Variants in FRMD7 observed in about 807,000 individuals in gnomAD.
FRMD7 encodes FERM domain containing 7, also known as FERM domain-containing protein 7.
FRMD7 carries 14 observed loss-of-function variants against 44.1 expected under a neutral mutation model. The observed-to-expected ratio is 0.32, with a 90% CI of 0.21 to 0.50. FRMD7 has a LOEUF of 0.50. Among genes scored for constraint, FRMD7 ranks in the 20% least tolerant of loss-of-function variants. The pLI, the probability that FRMD7 is intolerant of heterozygous loss-of-function variation, is 0.99. For synonymous variants in FRMD7, 212 were observed against 187.4 expected (o/e 1.13, Z -1.07); for missense variants, 501 against 522.3 (o/e 0.96, Z 0.40).
Position 132,098,238 on chromosome X carries a change from A to G in FRMD7, c.206-894T>C, listed in dbSNP as rs1480324655. Among the ~76,000 whole-genome samples, 5 of 112,477 alleles carry G rather than the reference A, an allele frequency of 4.4e-5. No homozygotes were observed. In the South Asian group the frequency reaches 1.5e-3, roughly 33 times the overall value. ...GAAAATTATTCTTTGTTTATCTAAA[A>G]TTACAATTTAATAGGGCATTCTGTA... On this transcript the variant is annotated intron_variant, in intron 3 of 11. Transcript: ENST00000298542.
At chrX:132,120,390 G>C (rs1192982937) in intron 1 of FRMD7, among the ~76,000 whole-genome samples, 1 of 112,715 alleles carries the variant, frequency 8.9e-6, no homozygotes, top group Non-Finnish European at 1.9e-5. Context: ...CCCAGCACCA[G>C]GCAGCAGGCA....
chrX:132,100,586 A>C (rs749445490), intron 2 of FRMD7, 26 bp downstream of exon 2: 2 of 1,022,258 alleles, frequency 2.0e-6, no homozygotes, highest in Non-Finnish European at 2.8e-6. Context: ...CTAGACACAA[A>C]GAACCCTATA....
chrX:132,118,746 G>A (rs138184815), intron 1 of FRMD7, among the ~76,000 whole-genome samples: 36 of 111,111 alleles, frequency 3.2e-4, no homozygotes, highest in African/African-American at 9.5e-4. Context: ...GTCTCTCATC[G>A]CTCTCTCTCA....
intron 4 of FRMD7, among the ~76,000 whole-genome samples, chrX:132,095,228 G>A (rs1218716023): frequency 9.2e-6 from 1 of 109,063 alleles, no homozygotes; most frequent in Non-Finnish European, 1.9e-5. Context: ...CCTAGCAGCT[G>A]GGACTACAGG....
intron 1 of FRMD7, among the ~76,000 whole-genome samples, chrX:132,111,041 G>A (rs947508376): frequency 1.8e-5 from 2 of 110,936 alleles, no homozygotes. Context: ...ACAATTAGCT[G>A]GACATGGTGG....
chrX:132,127,827 C>A lies in FRMD7; in HGVS notation c.18G>T (p.Val6=). ...TCTTCTGGGAATCATCCAAAAACTG[C>A]ACTTTTAAATGTAGCATTCTCAGCG... MLHLK[V]QFLDDSQKIF... is the part of the protein sequence containing the mutation. The change falls in exon 1 of 12, where the codon GTG becomes GTT. Residue 6 remains valine, a synonymous_variant. Coordinates refer to ENST00000298542, the MANE Select transcript of FRMD7 (RefSeq NM_194277.3). 8.3e-7 allele frequency: 1 copy of A among 1,209,648 alleles called. No homozygotes were observed. Among genetic ancestry groups the A allele is most frequent in the Non-Finnish European group, 1.1e-6 (1 of 893,639 alleles).
At chrX:132,119,866 G>A (rs1198344962) in intron 1 of FRMD7, among the ~76,000 whole-genome samples, 2 of 111,057 alleles carry the variant, frequency 1.8e-5, no homozygotes, top group Non-Finnish European at 3.8e-5. Flanking sequence ...TACCTCCTGG[G>A]GTGTAAATGA....
chrX:132,104,075 A>C (rs1485952277), intron 1 of FRMD7, among the ~76,000 whole-genome samples: 1 of 111,984 alleles, frequency 8.9e-6, no homozygotes, highest in African/African-American at 3.2e-5. Flanking sequence ...ATATTATCTC[A>C]TAGGGTTGTT....
chrX:132,112,182 T>C (rs1185166239), intron 1 of FRMD7, among the ~76,000 whole-genome samples: 1 of 111,930 alleles, frequency 8.9e-6, no homozygotes, highest in East Asian at 2.8e-4. Flanking sequence ...GGGAGCTCCT[T>C]CAGGGCAGAG....
intron 1 of FRMD7, among the ~76,000 whole-genome samples, chrX:132,126,981 C>A (rs949958038): frequency 3.6e-5 from 4 of 112,585 alleles, no homozygotes; most frequent in African/African-American, 1.3e-4. Flanking sequence ...AAGAAAAAAA[C>A]CAACATTTTG....
At chrX:132,096,488 G>A (rs897545690) in intron 4 of FRMD7, among the ~76,000 whole-genome samples, 5 of 109,309 alleles carry the variant, frequency 4.6e-5, no homozygotes, top group Admixed American at 9.8e-5. Context: ...AGGCCAAGGC[G>A]GAGAATCATT....
intron 1 of FRMD7, among the ~76,000 whole-genome samples, chrX:132,108,529 T>C (rs62619094): frequency 0.1 from 11,089 of 110,904 alleles, 504 homozygotes; most frequent in East Asian, 0.31. Context: ...TACTTCTAGG[T>C]GACCATATAA....
intron 9 of FRMD7, among the ~76,000 whole-genome samples, chrX:132,081,657 G>GA (rs1927818872): frequency 1.8e-5 from 2 of 112,572 alleles, no homozygotes; most frequent in Non-Finnish European, 3.8e-5. Context: ...TCACTCTTTG[G>GA]AAAAAATCCT....
rs1445938895 is a variant in FRMD7 at position 132,077,713 on chromosome X, G to A, written c.*159C>T. ...TGGAAGAGTGAAACTCAAGGAATGA[G>A]GCAACAGCTGGATCTTTCATAAGGC... On this transcript the variant is annotated 3_prime_UTR_variant, in exon 12 of 12. Transcript: ENST00000298542. 1.2e-5 allele frequency: 9 copies of A among 727,441 alleles called. No homozygotes were observed. Among genetic ancestry groups the A allele is most frequent in the Non-Finnish European group, 1.8e-5 (9 of 498,917 alleles). 59.9% of individuals were successfully genotyped at this position (727,441 alleles called of 1,213,427 possible).
chrX:132,108,798 T>C (rs965977664), intron 1 of FRMD7, among the ~76,000 whole-genome samples: 3 of 110,909 alleles, frequency 2.7e-5, no homozygotes, highest in African/African-American at 9.9e-5. Flanking sequence ...AGTGAGCGAG[T>C]CTCACAAGAT....
chrX:132,082,263 G>A (rs754524464), intron 9 of FRMD7, 100 bp downstream of exon 9: 1 of 702,418 alleles, frequency 1.4e-6, no homozygotes, highest in African/African-American at 2.1e-5. Flanking sequence ...TGATTGAAAT[G>A]GATTCTTTGT....
chrX:132,108,715 C>T (rs781518584), intron 1 of FRMD7, among the ~76,000 whole-genome samples: 1 of 111,333 alleles, frequency 9.0e-6, no homozygotes, highest in South Asian at 3.9e-4. Context: ...TAATAATCCC[C>T]ATGTGTCAAG....
intron 1 of FRMD7, among the ~76,000 whole-genome samples, chrX:132,108,729 G>A (rs1040094006): frequency 9.0e-6 from 1 of 111,084 alleles, no homozygotes; most frequent in African/African-American, 3.3e-5. Flanking sequence ...TGTCAAGGGC[G>A]GGACCAGATG....
intron 1 of FRMD7, among the ~76,000 whole-genome samples, chrX:132,110,908 C>A (rs192491377): frequency 8.9e-6 from 1 of 112,654 alleles, no homozygotes; most frequent in African/African-American, 3.2e-5. Context: ...ACCTGGGCCA[C>A]GCACAGTGGC....
Sources: allele counts gnomAD v4.1 joint callset (sites outside exome capture counted in the v4.1 genomes callset), GRCh38; gene constraint gnomAD v4.1.1; transcripts MANE v1.5; gene names NCBI Gene and HGNC (gene_info 2026-07-23, HGNC 2026-07-21).